The following EFR3B variants were observed in gnomAD, a reference collection of about 807,000 sequenced individuals.
The protein encoded by EFR3B is EFR3 homolog B, also known as protein EFR3 homolog B.
In EFR3B, 64 loss-of-function variants were observed where a neutral mutation model predicts 104.7. The observed-to-expected ratio is 0.61, with a 90% CI of 0.50 to 0.75. The LOEUF (loss-of-function observed/expected upper bound fraction) is 0.75. Ranked by LOEUF, EFR3B falls within the 30% of genes least tolerant of loss-of-function variation. EFR3B has a pLI of 0.00. For synonymous variants in EFR3B, 385 were observed against 417.9 expected, an observed-to-expected ratio of 0.92 and a Z score of 0.96; for missense variants, 750 against 1,078.5, an observed-to-expected ratio of 0.70 and a Z score of 4.27.
At chr2:25,081,377 A>G (rs1242856324) in intron 1 of EFR3B, 7 of 1,025,852 alleles carry the variant, frequency 6.8e-6, no homozygotes, top group African/African-American at 1.6e-5. Flanking sequence ...CAGTACTCAT[A>G]GTTACAGTTT....
intron 1 of EFR3B, among the ~76,000 whole-genome samples, chr2:25,084,152 A>G (rs779178848): frequency 2.0e-5 from 3 of 152,154 alleles, no homozygotes; most frequent in South Asian, 4.1e-4. Context: ...TAAAATGAGG[A>G]TAAAAATAGT....
At chr2:25,149,879 T>C in intron 20 of EFR3B, 137 bp downstream of exon 20, 2 of 806,546 alleles carry the variant, frequency 2.5e-6, no homozygotes, top group South Asian at 3.0e-5. Flanking sequence ...GCTGGTGTCT[T>C]TTGACAAACT....
At chr2:25,096,735 C>T (rs1573200127) in intron 3 of EFR3B, among the ~76,000 whole-genome samples, 1 of 152,174 alleles carries the variant, frequency 6.6e-6, no homozygotes, top group Non-Finnish European at 1.5e-5. Context: ...GCCCCACTGC[C>T]GTCCAAGGCC....
intron 5 of EFR3B, among the ~76,000 whole-genome samples, chr2:25,127,104 A>C (rs1670188016): frequency 6.8e-6 from 1 of 147,632 alleles, no homozygotes; most frequent in African/African-American, 2.5e-5. Context: ...AGGCAGAAGA[A>C]TTGCTTGAAC....
At chr2:25,149,877 C>T (rs1670953144) in intron 20 of EFR3B, 135 bp downstream of exon 20, 3 of 830,570 alleles carry the variant, frequency 3.6e-6, no homozygotes, top group Non-Finnish European at 6.0e-6. Context: ...AGGCTGGTGT[C>T]TTTTGACAAA....
At chr2:25,049,267 T>C (rs1299612715) in intron 1 of EFR3B, among the ~76,000 whole-genome samples, 1 of 152,238 alleles carries the variant, frequency 6.6e-6, no homozygotes, top group Non-Finnish European at 1.5e-5. Flanking sequence ...CTTTGTCTTC[T>C]AACTATTTGC....
chr2:25,065,841 G>A (rs1558587303), intron 1 of EFR3B, among the ~76,000 whole-genome samples: 1 of 152,290 alleles, frequency 6.6e-6, no homozygotes, highest in East Asian at 1.9e-4. Flanking sequence ...CTCACCCAGT[G>A]TGAATGGGCA....
At chr2:25,045,714 G>A (rs1465337646) in intron 1 of EFR3B, among the ~76,000 whole-genome samples, 3 of 152,054 alleles carry the variant, frequency 2.0e-5, no homozygotes, top group African/African-American at 7.2e-5. Flanking sequence ...CCTGGGAGGC[G>A]GAGGTTGCAG....
intron 10 of EFR3B, among the ~76,000 whole-genome samples, chr2:25,132,639 C>A (rs1573227094): frequency 6.6e-6 from 1 of 152,012 alleles, no homozygotes; most frequent in East Asian, 1.9e-4. Flanking sequence ...TCACCATCCC[C>A]ACCCCCTAGC....
chr2:25,064,303 T>A (rs1464946003), intron 1 of EFR3B, among the ~76,000 whole-genome samples: 3 of 152,226 alleles, frequency 2.0e-5, no homozygotes, highest in African/African-American at 7.2e-5. Context: ...ATCTGCATCT[T>A]AAATCTGTGA....
intron 4 of EFR3B, among the ~76,000 whole-genome samples, chr2:25,119,009 C>T (rs1558609204): frequency 6.6e-6 from 1 of 152,176 alleles, no homozygotes; most frequent in Non-Finnish European, 1.5e-5. Context: ...TTTGAGTCTA[C>T]ACAGTCACTA....
At chr2:25,105,730 A>C (rs1012264991) in intron 4 of EFR3B, among the ~76,000 whole-genome samples, 5 of 152,194 alleles carry the variant, frequency 3.3e-5, no homozygotes, top group Non-Finnish European at 7.4e-5. Flanking sequence ...AGAACATCTG[A>C]ATGGAAAATG....
In EFR3B at chr2:25,141,423, G is replaced by C; in HGVS notation, c.1912G>C (p.Glu638Gln). The C allele has an allele frequency of 6.4e-7, 1 of 1,551,454 alleles. No individual in the cohort carries two copies. The highest frequency in any genetic ancestry group is 1.2e-5 in the South Asian group (1 of 84,040). ...PYMLPEDVFV[E>Q]RPRLSQNLDG... Reference sequence around the variant, plus strand: ...CATGCTCCCCGAGGATGTGTTTGTGGAGAGGCCCAGGTGAGGAGAGGACGG... The same window carrying C: ...CATGCTCCCCGAGGATGTGTTTGTGCAGAGGCCCAGGTGAGGAGAGGACGG... The change falls in exon 17 of 23, where the codon GAG becomes CAG. Residue 638 changes from glutamate to glutamine, a missense_variant. Glu to Gln is a conservative substitution (Grantham distance 29, BLOSUM62 2). Transcript: ENST00000403714.
chr2:25,082,333 C>A (rs374603638), intron 1 of EFR3B, among the ~76,000 whole-genome samples: 1 of 152,176 alleles, frequency 6.6e-6, no homozygotes, highest in South Asian at 2.1e-4. Flanking sequence ...AGGCTAGAGG[C>A]CTTGGGCAGA....
rs576563741 is a variant in EFR3B at position 25,063,010 on chromosome 2, G to A, written c.7+20691G>A. Among the ~76,000 whole-genome samples the A allele has an allele frequency of 1.3e-4, 19 of 151,750 alleles. No homozygotes were observed. The South Asian group carries it at 1.9e-3, about 15-fold the overall frequency. On this transcript the variant is annotated intron_variant, in intron 1 of 22. Coordinates refer to ENST00000403714, the MANE Select transcript of EFR3B (RefSeq NM_014971.2). ...GCGACCTCGGCTCACTGCAACCTCC[G>A]CCTCCCATGTTCAAGCGATTCTCCT...
chr2:25,090,835 A>T (rs1166026465), intron 1 of EFR3B, among the ~76,000 whole-genome samples: 2 of 152,230 alleles, frequency 1.3e-5, no homozygotes. Flanking sequence ...GAGGTGGCAG[A>T]TAGGGAATAA....
In EFR3B at chr2:25,080,235, A is replaced by G. The variant is rs548465417; in HGVS notation, c.8-11090A>G. On this transcript the variant is annotated intron_variant, in intron 1 of 22. Transcript: ENST00000403714. ...ATGCTTCTGTTACTTGATGGACTGT[A>G]GCACCACCACCAACATCAAGGAAGC... The G allele has an allele frequency of 1.2e-5, 18 of 1,520,932 alleles. No individual in the cohort carries two copies. The East Asian group carries it at 4.6e-4, about 39-fold the overall frequency. 94.2% of individuals were successfully genotyped at this position (1,520,932 alleles called of 1,614,324 possible).
chr2:25,068,622 G>GT (rs1028576000), intron 1 of EFR3B, among the ~76,000 whole-genome samples: 9 of 145,686 alleles, frequency 6.2e-5, no homozygotes, highest in South Asian at 2.2e-4. Flanking sequence ...AGTCACTTTT[G>GT]TTTTTTTTAT....
rs149418267 is a variant in EFR3B, at chr2:25,101,137, C to T, written c.213-2500C>T. Among the ~76,000 whole-genome samples the T allele has an allele frequency of 4.9e-3, 746 of 152,298 alleles. 7 individuals are homozygous for T. The highest frequency in any genetic ancestry group is 8.6e-3 in the Non-Finnish European group (583 of 68,028). On this transcript the variant is annotated intron_variant, in intron 3 of 22. Transcript: ENST00000403714. ...CCAGCAATATGGAAGTGCTTTTCCT[C>T]TCTTTCACATCAGTCTGGAGTGGGC...
Sources: gnomAD v4.1 joint callset for allele counts (sites outside exome capture counted in the v4.1 genomes callset) on GRCh38, gnomAD v4.1.1 for gene constraint, MANE v1.5 for transcripts, NCBI Gene and HGNC (gene_info 2026-07-23, HGNC 2026-07-21) for gene names.